The following CDH10 variants were observed in gnomAD, a reference collection of about 807,000 sequenced individuals.
The protein encoded by CDH10 is cadherin 10.
In CDH10, 30 loss-of-function variants were observed where a neutral mutation model predicts 73.1. That is an observed-to-expected ratio of 0.41 (90% CI 0.31 to 0.56). The LOEUF (loss-of-function observed/expected upper bound fraction) is 0.56. Among genes scored for constraint, CDH10 ranks in the 20% least tolerant of loss-of-function variants. The pLI is 0.27. For synonymous variants in CDH10, 345 were observed against 348.2 expected, an observed-to-expected ratio of 0.99 and a Z score of 0.10; for missense variants, 815 against 973.7, an observed-to-expected ratio of 0.84 and a Z score of 2.17.
At chr5:24,488,528 A>T (rs1452784468) in intron 11 of CDH10, among the ~76,000 whole-genome samples, 1 of 152,214 alleles carries the variant, frequency 6.6e-6, no homozygotes, top group African/African-American at 2.4e-5. Context: ...ATCTACACAA[A>T]TTGAATTCAG....
chr5:24,606,221 C>T (rs902398244), intron 1 of CDH10, among the ~76,000 whole-genome samples: 17 of 152,114 alleles, frequency 1.1e-4, no homozygotes, highest in African/African-American at 3.1e-4. Flanking sequence ...TACTTCCCTG[C>T]AAATGGCCCA....
intron 5 of CDH10, among the ~76,000 whole-genome samples, chr5:24,534,159 CA>C (rs766964735): frequency 6.6e-6 from 1 of 151,768 alleles, no homozygotes; most frequent in African/African-American, 2.4e-5. Context: ...ATAAATATTA[CA>C]AAAAAAGCTA....
intron 2 of CDH10, among the ~76,000 whole-genome samples, chr5:24,566,976 T>C (rs75793904): frequency 0.021 from 3,244 of 152,206 alleles, 122 homozygotes; most frequent in African/African-American, 0.068. Flanking sequence ...ATATAAACTC[T>C]TATAACACAA....
intron 2 of CDH10, among the ~76,000 whole-genome samples, chr5:24,565,948 T>A (rs1276073233): frequency 1.3e-5 from 2 of 152,160 alleles, no homozygotes; most frequent in African/African-American, 2.4e-5. Flanking sequence ...TGACTCAATC[T>A]ATGGGATTTT....
At chr5:24,531,839 T>C (rs1016310735) in intron 5 of CDH10, among the ~76,000 whole-genome samples, 2 of 152,108 alleles carry the variant, frequency 1.3e-5, no homozygotes, top group East Asian at 3.9e-4. Flanking sequence ...GAATTTGTGA[T>C]GTACTTGAAT....
intron 5 of CDH10, among the ~76,000 whole-genome samples, chr5:24,533,329 AAATAAT>A (rs1743816725): frequency 6.6e-6 from 1 of 151,568 alleles, no homozygotes; most frequent in African/African-American, 2.4e-5. Flanking sequence ...TCACTCTCAA[AAATAAT>A]AATAATAATA....
At chr5:24,565,985 C>A (rs1197172960) in intron 2 of CDH10, among the ~76,000 whole-genome samples, 1 of 152,102 alleles carries the variant, frequency 6.6e-6, no homozygotes, top group African/African-American at 2.4e-5. Flanking sequence ...CAGACTAATA[C>A]AAAGTACTAG....
At chr5:24,573,916 T>G (rs964001479) in intron 2 of CDH10, among the ~76,000 whole-genome samples, 1 of 150,428 alleles carries the variant, frequency 6.6e-6, no homozygotes, top group Admixed American at 6.7e-5. Context: ...ACGGATTCTC[T>G]CTCTGTCGCC....
At chr5:24,534,111 G>T (rs1044681555) in intron 5 of CDH10, among the ~76,000 whole-genome samples, 5 of 151,958 alleles carry the variant, frequency 3.3e-5, no homozygotes, top group African/African-American at 1.2e-4. Flanking sequence ...TTAATTCTTA[G>T]ACAGTAATTC....
chr5:24,529,726 G>T (rs1284715336), intron 5 of CDH10, among the ~76,000 whole-genome samples: 1 of 151,870 alleles, frequency 6.6e-6, no homozygotes, highest in Non-Finnish European at 1.5e-5. Flanking sequence ...GTGACCTTTT[G>T]CTTGGAGTTT....
chr5:24,511,352 T>C lies in CDH10; in HGVS notation c.977A>G (p.Gln326Arg), dbSNP rs2111763774. ...CTTTTTCACAGTGATGATGCCTTCC[T>C]GTGTGTCCTTCTCAGTCACGATGTC... ...MFDIVTEKDT[Q>R]EGIITVKKPL... Residue 326 changes from glutamine (Q) to arginine (R), a missense_variant, in exon 6 of 12, where the codon CAG (glutamine) becomes CGG (arginine). Coordinates refer to ENST00000264463, the MANE Select transcript of CDH10 (RefSeq NM_006727.5). 9 of 1,611,516 alleles carry C rather than the reference T, an allele frequency of 5.6e-6. No individual in the cohort carries two copies. The highest frequency in any genetic ancestry group is 7.6e-6 in the Non-Finnish European group (9 of 1,177,768).
chr5:24,487,602 G>C lies in CDH10; in HGVS notation c.*61C>G, dbSNP rs1561115427. 6.7e-7 allele frequency: 1 copy of C among 1,482,486 alleles called. No individual in the cohort carries two copies. Among genetic ancestry groups the C allele is most frequent in the African/African-American group, 1.4e-5 (1 of 71,058 alleles). 91.8% of individuals were successfully genotyped at this position (1,482,486 alleles called of 1,614,324 possible). On this transcript the variant is annotated 3_prime_UTR_variant, in exon 12 of 12. Transcript: ENST00000264463. Reference sequence around the variant, plus strand: ...AATGCTCCTGAATATCAAATATTGTGAAGTGGAGACAGCATGGGTAGAGTT... The same window carrying C: ...AATGCTCCTGAATATCAAATATTGTCAAGTGGAGACAGCATGGGTAGAGTT...
chr5:24,575,513 G>A (rs1386058695), intron 2 of CDH10, among the ~76,000 whole-genome samples: 1 of 151,408 alleles, frequency 6.6e-6, no homozygotes, highest in Non-Finnish European at 1.5e-5. Context: ...CTATTATATT[G>A]CTTTAAAATG....
At chr5:24,642,330 A>G (rs562146400) in intron 1 of CDH10, among the ~76,000 whole-genome samples, 106 of 152,264 alleles carry the variant, frequency 7.0e-4, no homozygotes, top group Non-Finnish European at 9.9e-4. Flanking sequence ...GAAATCCCCC[A>G]GATAGTATAT....
intron 8 of CDH10, 39 bp from the exon 9 acceptor site, chr5:24,498,558 A>AT: frequency 6.6e-7 from 1 of 1,505,190 alleles, no homozygotes; most frequent in Non-Finnish European, 9.2e-7. Context: ...AGGAAGATAA[A>AT]TTGGTGCATC....
intron 2 of CDH10, among the ~76,000 whole-genome samples, chr5:24,556,188 T>C (rs1744762685): frequency 2.0e-5 from 3 of 152,300 alleles, no homozygotes; most frequent in Middle Eastern, 3.4e-3. Context: ...GTAGTTAGTA[T>C]AGCCATTATG....
intron 2 of CDH10, among the ~76,000 whole-genome samples, chr5:24,546,341 A>T (rs541274201): frequency 6.6e-6 from 1 of 152,292 alleles, no homozygotes; most frequent in South Asian, 2.1e-4. Context: ...ATAAAAAAGA[A>T]TTAAGAAATC....
rs141997733 is a variant in CDH10, at chr5:24,620,467, A to G, written c.-124+24127T>C. ...TAAGATAAGACCTTGAATAATATAT[A>G]TAAAATGTGATTGCATCCTTTTTCT... On this transcript the variant is annotated intron_variant, in intron 1 of 11. Transcript: ENST00000264463. 2.1e-4 allele frequency among the ~76,000 whole-genome samples: 32 copies of G among 152,324 alleles called. 1 individual carries two copies. In the East Asian group the frequency reaches 5.6e-3, roughly 27 times the overall value.
chr5:24,530,014 T>TA (rs1462995743), intron 5 of CDH10, among the ~76,000 whole-genome samples: 3 of 113,602 alleles, frequency 2.6e-5, no homozygotes, highest in Non-Finnish European at 5.3e-5. Flanking sequence ...GCTCTATTTT[T>TA]ACTTTTTTTT....
Sources: gnomAD v4.1 joint callset for allele counts (sites outside exome capture counted in the v4.1 genomes callset) on GRCh38, gnomAD v4.1.1 for gene constraint, MANE v1.5 for transcripts, NCBI Gene and HGNC (gene_info 2026-07-23, HGNC 2026-07-21) for gene names.